The following REPS2 variants were observed in gnomAD, a reference collection of about 807,000 sequenced individuals.
REPS2 encodes the protein ralBP1-associated Eps domain-containing protein 2.
REPS2 carries 23 observed loss-of-function variants against 53.6 expected under a neutral mutation model. The observed-to-expected ratio is 0.43, with a 90% CI of 0.31 to 0.61. The LOEUF is 0.61. Ranked by LOEUF, REPS2 falls within the 20% of genes least tolerant of loss-of-function variation. REPS2 has a pLI of 0.11. For synonymous variants in REPS2, 238 were observed against 218.6 expected, an observed-to-expected ratio of 1.09 and a Z score of -0.78; for missense variants, 446 against 534.9, an observed-to-expected ratio of 0.83 and a Z score of 1.64.
intron 17 of REPS2, 134 bp from the exon 18 acceptor site, chrX:17,147,279 C>T: frequency 2.2e-6 from 1 of 457,538 alleles, no homozygotes; most frequent in Non-Finnish European, 3.8e-6. Context: ...TCCCAGTCCT[C>T]CTGTTCTTGA....
At chrX:17,058,829 A>G (rs1208348028) in intron 8 of REPS2, among the ~76,000 whole-genome samples, 3 of 111,418 alleles carry the variant, frequency 2.7e-5, no homozygotes, top group South Asian at 3.7e-4. Context: ...CAGTGACGGT[A>G]TATTTTAAAA....
chrX:17,043,509 C>A (rs758432229), intron 5 of REPS2, among the ~76,000 whole-genome samples: 1 of 108,775 alleles, frequency 9.2e-6, no homozygotes, highest in Non-Finnish European at 1.9e-5. Context: ...TTCTTGCCCC[C>A]CCCCCCGGCT....
intron 17 of REPS2, among the ~76,000 whole-genome samples, chrX:17,142,701 A>G (rs1348186300): frequency 8.9e-6 from 1 of 112,199 alleles, no homozygotes; most frequent in Non-Finnish European, 1.9e-5. Context: ...AAAATGTGAC[A>G]TCACCAAGTG....
At chrX:17,089,565 A>G (rs1322454006) in intron 13 of REPS2, among the ~76,000 whole-genome samples, 4 of 111,760 alleles carry the variant, frequency 3.6e-5, no homozygotes, top group Non-Finnish European at 7.5e-5. Flanking sequence ...CCAGGCAACC[A>G]CTAACCTATT....
intron 13 of REPS2, chrX:17,099,808 A>T (rs2062760615): frequency 1.8e-6 from 1 of 566,035 alleles, no homozygotes; most frequent in Admixed American, 2.2e-5. Context: ...TTGGGGTAGG[A>T]ATGCCACGTC....
At chrX:17,166,558 A>C in the REPS2 span, among the ~76,000 whole-genome samples, 1 of 112,279 alleles carries the variant, frequency 8.9e-6, no homozygotes, top group African/African-American at 3.2e-5. Context: ...AAAGGACCAT[A>C]AAGTTTATAG....
chrX:17,061,143 G>A (rs2062153344), intron 8 of REPS2, among the ~76,000 whole-genome samples: 1 of 112,154 alleles, frequency 8.9e-6, no homozygotes, highest in Non-Finnish European at 1.9e-5. Context: ...AAGAGAAATC[G>A]GTGAAATTCA....
At chrX:16,978,506 CTTTT>C (rs765672478) in intron 1 of REPS2, 1 of 562,711 alleles carries the variant, frequency 1.8e-6, no homozygotes, top group Non-Finnish European at 2.1e-6. Context: ...TCCTTTTTTT[CTTTT>C]TTTTTTTGTT....
At chrX:16,958,201 C>T (rs2147624608) in intron 1 of REPS2, among the ~76,000 whole-genome samples, 1 of 111,605 alleles carries the variant, frequency 9.0e-6, no homozygotes, top group East Asian at 2.8e-4. Flanking sequence ...GATGATGTCT[C>T]AATTGAGAGG....
At chrX:17,115,094 A>G (rs898892932) in intron 14 of REPS2, among the ~76,000 whole-genome samples, 13 of 112,334 alleles carry the variant, frequency 1.2e-4, no homozygotes, top group Admixed American at 1.9e-4. Context: ...AGACACAGAG[A>G]CAAAGTATAG....
At chrX:17,195,054 T>G in the REPS2 span, among the ~76,000 whole-genome samples, 2 of 112,331 alleles carry the variant, frequency 1.8e-5, no homozygotes. Flanking sequence ...AATCCTGACT[T>G]GAGAACTGTT....
Position 17,041,640 on chromosome X carries a change from A to G in REPS2, c.772-5707A>G, listed in dbSNP as rs146278765. Among the ~76,000 whole-genome samples the G allele has an allele frequency of 5.0e-3, 556 of 112,152 alleles. 5 individuals carry two copies. Among genetic ancestry groups the G allele is most frequent in the African/African-American group, 0.017 (511 of 30,912 alleles). ...CTCAGATATTCACTGTGGGCTTAGT[A>G]TGAGCTTTTGCTACTCCAAATAGTT... On this transcript the variant is annotated intron_variant, in intron 5 of 17. Transcript: ENST00000357277.
At chrX:17,049,964 T>C (rs2061957637) in intron 6 of REPS2, among the ~76,000 whole-genome samples, 1 of 106,782 alleles carries the variant, frequency 9.4e-6, no homozygotes, top group South Asian at 4.2e-4. Context: ...TAGTGTACAG[T>C]AATGTCCTAG....
chrX:16,992,924 A>T (rs1052025387), intron 1 of REPS2, among the ~76,000 whole-genome samples: 1 of 112,113 alleles, frequency 8.9e-6, no homozygotes, highest in African/African-American at 3.2e-5. Flanking sequence ...ATATCCAGAA[A>T]ATATTATTTT....
intron 14 of REPS2, among the ~76,000 whole-genome samples, chrX:17,117,135 T>A (rs1230288464): frequency 8.9e-6 from 1 of 112,121 alleles, no homozygotes. Flanking sequence ...CTTTCCTAAG[T>A]AGGCAACCCA....
chrX:16,952,212 T>C (rs2060523124), intron 1 of REPS2, among the ~76,000 whole-genome samples: 1 of 111,429 alleles, frequency 9.0e-6, no homozygotes, highest in Non-Finnish European at 1.9e-5. Flanking sequence ...TTTCTCCTAA[T>C]GCTATCTCTC....
intron 3 of REPS2, 169 bp downstream of exon 3, chrX:17,022,440 C>T (rs1316051752): frequency 7.7e-6 from 3 of 388,495 alleles, no homozygotes; most frequent in African/African-American, 5.1e-5. Context: ...GAGACCGACA[C>T]ATATGAATCA....
the REPS2 span, among the ~76,000 whole-genome samples, chrX:17,176,490 T>C: frequency 2.7e-5 from 3 of 111,965 alleles, no homozygotes; most frequent in Admixed American, 9.4e-5. Flanking sequence ...TCCTCAGCAG[T>C]ATGCAGAAGA....
intron 1 of REPS2, among the ~76,000 whole-genome samples, chrX:16,968,692 G>C (rs2060822119): frequency 9.8e-6 from 1 of 101,877 alleles, no homozygotes; most frequent in Non-Finnish European, 2.0e-5. Flanking sequence ...GGCCGGGCGG[G>C]GGGCTGACCC....
Sources: allele counts gnomAD v4.1 joint callset (sites outside exome capture counted in the v4.1 genomes callset), GRCh38; gene constraint gnomAD v4.1.1; transcripts MANE v1.5; gene names NCBI Gene and HGNC (gene_info 2026-07-23, HGNC 2026-07-21).